The following NGFR variants were observed in gnomAD, a reference collection of about 807,000 sequenced individuals.
The protein encoded by NGFR is tumor necrosis factor receptor superfamily member 16.
NGFR carries 30 observed loss-of-function variants against 43.2 expected under a neutral mutation model. That is an observed-to-expected ratio of 0.69 (90% CI 0.52 to 0.94). The LOEUF (loss-of-function observed/expected upper bound fraction) is 0.94. NGFR is among the 40% of genes least tolerant of loss of function. The probability of loss-of-function intolerance (pLI) is 0.00; values close to 1 mark genes in which losing one functional copy is unlikely to be tolerated. For missense variants in NGFR, 529 were observed against 602.5 expected, an observed-to-expected ratio of 0.88 and a Z score of 1.28; for synonymous variants, 246 against 259.6, an observed-to-expected ratio of 0.95 and a Z score of 0.50.
chr17:49,509,954 C>A (rs1389410354), intron 3 of NGFR, among the ~76,000 whole-genome samples: 1 of 152,122 alleles, frequency 6.6e-6, no homozygotes, highest in Admixed American at 6.5e-5. Flanking sequence ...CAAGGACAAG[C>A]TGGGGCCAGA....
Position 49,512,076 on chromosome 17 carries a change from CT to C in NGFR, c.982+25del. On this transcript the variant is annotated intron_variant, in intron 5 of 5. Transcript: ENST00000172229. The surrounding 1 kb of genome is among the most constrained non-coding windows in gnomAD (Gnocchi z 5.2). Reference sequence around the variant, plus strand: ...GGGTGAGCAGCGGCCCGCTGGGGAGCTGAGGCGGAGCTGAGGCTGAGGAAAC... The same window carrying C: ...GGGTGAGCAGCGGCCCGCTGGGGAGCGAGGCGGAGCTGAGGCTGAGGAAAC... 1.2e-6 allele frequency: 2 copies of C among 1,607,424 alleles called. No individual in the cohort carries two copies. Among genetic ancestry groups the C allele is most frequent in the Non-Finnish European group, 1.7e-6 (2 of 1,176,684 alleles).
In NGFR at chr17:49,506,493, G is replaced by T. The variant is rs950720929; in HGVS notation, c.403G>T (p.Val135Leu). The part of the protein sequence containing the change: ...CRVCEAGSGL[V>L]FSCQDKQNTV... ...CGTGTGCGAGGCGGGCTCGGGCCTC[G>T]TGTTCTCCTGCCAGGACAAGCAGAA... The change falls in exon 3 of 6, where the codon GTG becomes TTG. Residue 135 changes from valine (V) to leucine (L), a missense_variant. Transcript: ENST00000172229. The T allele has an allele frequency of 1.2e-6, 2 of 1,610,828 alleles. No individual in the cohort carries two copies. Among genetic ancestry groups the T allele is most frequent in the East Asian group, 4.5e-5 (2 of 44,844 alleles).
In NGFR at chr17:49,512,814, G is replaced by A. The variant is rs201266194; in HGVS notation, c.1089G>A (p.Ala363=). 88 of 1,613,424 alleles carry A rather than the reference G, an allele frequency of 5.5e-5. No homozygotes were observed. In the Admixed American group the frequency reaches 7.0e-4, roughly 13 times the overall value. Residue 363 remains alanine (A), a synonymous_variant, in exon 6 of 6, where the codon GCG becomes GCA. Transcript: ENST00000172229. This position sits in a 1 kb window ranked among gnomAD's most constrained non-coding sequence, Gnocchi z 5.2. ...GSAGDTWRHL[A]GELGYQPEHI... ...CGGGGGACACCTGGCGGCACCTGGC[G>A]GGCGAGCTGGGCTACCAGCCCGAGC...
intron 1 of NGFR, chr17:49,496,795 A>G (rs1242727539): frequency 6.6e-6 from 1 of 152,108 alleles, no homozygotes; most frequent in African/African-American, 2.4e-5. Flanking sequence ...GACGCCTCGG[A>G]TTCTGTAGCG....
Position 49,511,924 on chromosome 17 carries a change from C to T in NGFR, c.854C>T (p.Ala285Val). ...WNSCKQNKQGANSRPVNQTPP... is the reference protein window; with the variant it reads ...WNSCKQNKQGVNSRPVNQTPP... ...AGCTGCAAGCAGAACAAGCAAGGAGCCAACAGCCGGCCAGTGAACCAGACG... is the reference window on the plus strand; with the variant it reads ...AGCTGCAAGCAGAACAAGCAAGGAGTCAACAGCCGGCCAGTGAACCAGACG... Residue 285 changes from alanine (A) to valine (V), a missense_variant, in exon 5 of 6, where the codon GCC becomes GTC. Transcript: ENST00000172229. The T allele has an allele frequency of 6.2e-7, 1 of 1,611,810 alleles. No individual in the cohort carries two copies. Among genetic ancestry groups the T allele is most frequent in the Non-Finnish European group, 8.5e-7 (1 of 1,179,034 alleles).
chr17:49,508,530 C>T (rs1437853269), intron 3 of NGFR, among the ~76,000 whole-genome samples: 1 of 152,210 alleles, frequency 6.6e-6, no homozygotes, highest in Non-Finnish European at 1.5e-5. Flanking sequence ...GCCCCCTCCC[C>T]TCCAGCGTAC....
chr17:49,499,583 T>TTATG (rs2071156133), intron 1 of NGFR, among the ~76,000 whole-genome samples: 1 of 151,568 alleles, frequency 6.6e-6, no homozygotes, highest in African/African-American at 2.4e-5. Context: ...TATTTTTATT[T>TTATG]TATTTATTTA....
rs776360652 is a variant in NGFR, at chr17:49,511,921, G to C, written c.851G>C (p.Gly284Ala). Residue 284 changes from glycine to alanine, a missense_variant, in exon 5 of 6, where the codon GGA becomes GCA. Physicochemically the swap from Gly to Ala is moderately conservative, Grantham distance 60 (BLOSUM62 0). Coordinates refer to ENST00000172229, the MANE Select transcript of NGFR (RefSeq NM_002507.4). Reference protein sequence around the residue: ...RWNSCKQNKQGANSRPVNQTP... With the variant: ...RWNSCKQNKQAANSRPVNQTP... Reference sequence around the variant, plus strand: ...AACAGCTGCAAGCAGAACAAGCAAGGAGCCAACAGCCGGCCAGTGAACCAG... The same window carrying C: ...AACAGCTGCAAGCAGAACAAGCAAGCAGCCAACAGCCGGCCAGTGAACCAG... 4 of 1,611,828 alleles carry C rather than the reference G, an allele frequency of 2.5e-6. No individual in the cohort carries two copies. Among genetic ancestry groups the C allele is most frequent in the Middle Eastern group, 1.7e-4 (1 of 6,056 alleles).
At chr17:49,497,177 T>C (rs4239164) in intron 1 of NGFR, 40,655 of 151,198 alleles carry the variant, frequency 0.27, 5,597 homozygotes, top group Middle Eastern at 0.32. Context: ...GCGGGGGGGG[T>C]TGACACTGTC....
Position 49,506,457 on chromosome 17 carries a change from G to T in NGFR, c.367G>T (p.Glu123Ter). The change falls in exon 3 of 6, where the codon GAG (glutamate) becomes TAG (stop). Residue 123 changes from glutamate (E) to a stop codon, truncating the protein, a stop_gained. Coordinates refer to ENST00000172229, the MANE Select transcript of NGFR (RefSeq NM_002507.4). LOFTEE classifies it high-confidence loss of function. ...YYQDETTGRC[E>*]ACRVCEAGSG... The stretch of plus-strand genomic sequence containing the variant: ...CCAGGATGAGACGACTGGGCGCTGC[G>T]AGGCGTGCCGCGTGTGCGAGGCGGG... The T allele has an allele frequency of 6.2e-7, 1 of 1,608,972 alleles. No individual in the cohort carries two copies.
In NGFR at chr17:49,512,632, G is replaced by A. The variant is rs1290371779; in HGVS notation, c.983-76G>A. 4.0e-6 allele frequency: 6 copies of A among 1,490,254 alleles called. No individual in the cohort carries two copies. The highest frequency in any genetic ancestry group is 5.4e-6 in the Non-Finnish European group (6 of 1,110,826). The allele number at this position is 1,490,254 out of a possible 1,614,324, so 92.3% of individuals were successfully genotyped here. On this transcript the variant is annotated intron_variant, in intron 5 of 5. Coordinates refer to ENST00000172229, the MANE Select transcript of NGFR (RefSeq NM_002507.4). The surrounding 1 kb of genome is among the most constrained non-coding windows in gnomAD (Gnocchi z 5.2). ...GAGGAGCACTGCCTCGGCCCTTCTTGGGTCTCACCCCAGTGCCCACTGTTG... is the reference window on the plus strand; with the variant it reads ...GAGGAGCACTGCCTCGGCCCTTCTTAGGTCTCACCCCAGTGCCCACTGTTG...
intron 3 of NGFR, 71 bp from the exon 4 acceptor site, chr17:49,510,341 C>CGGCAG (rs1375423433): frequency 8.9e-6 from 14 of 1,581,470 alleles, no homozygotes; most frequent in Non-Finnish European, 1.0e-5. Flanking sequence ...AGGAAGAACA[C>CGGCAG]GGCAGTGGGT....
Position 49,513,176 on chromosome 17 carries a change from G to A in NGFR, c.*167G>A. On this transcript the variant is annotated 3_prime_UTR_variant, in exon 6 of 6. Transcript: ENST00000172229. Reference sequence around the variant, plus strand: ...GCCCCAAAACCACAGCCCTGTCAGTGCAGCCCGTGTGGCCCCTTCACTTCT... The same window carrying A: ...GCCCCAAAACCACAGCCCTGTCAGTACAGCCCGTGTGGCCCCTTCACTTCT... 1.4e-6 allele frequency: 1 copy of A among 695,406 alleles called. No homozygotes were observed. The highest frequency in any genetic ancestry group is 2.3e-6 in the Non-Finnish European group (1 of 431,946). 43.1% of individuals were successfully genotyped at this position (695,406 alleles called of 1,614,324 possible).
In NGFR at chr17:49,502,193, C is replaced by T. The variant is rs1168746522; in HGVS notation, c.197C>T (p.Pro66Leu). The T allele has an allele frequency of 3.1e-6, 5 of 1,602,106 alleles. No individual in the cohort carries two copies. Among genetic ancestry groups the T allele is most frequent in the Non-Finnish European group, 4.3e-6 (5 of 1,172,506 alleles). The change falls in exon 2 of 6, where the codon CCC becomes CTC. Residue 66 changes from proline (P) to leucine (L), a missense_variant. Coordinates refer to ENST00000172229, the MANE Select transcript of NGFR (RefSeq NM_002507.4). ...PCGANQTVCE[P>L]CLDSVTFSDV... The stretch of plus-strand genomic sequence containing the variant: ...GGAGCCAACCAGACCGTGTGTGAGC[C>T]CTGCCTGGACAGTGAGTAGAGGGTG...
At position 49,513,200 on chromosome 17, in the gene NGFR, C is replaced by G; in HGVS notation, c.*191C>G. On this transcript the variant is annotated 3_prime_UTR_variant, in exon 6 of 6. Transcript: ENST00000172229. ...TGCAGCCCGTGTGGCCCCTTCACTT[C>G]TGACCACACTTCCTGTCCAGAGAGA... 1.7e-6 allele frequency: 1 copy of G among 598,546 alleles called. No individual in the cohort carries two copies. The highest frequency in any genetic ancestry group is 1.9e-5 in the African/African-American group (1 of 53,686). 37.1% of individuals were successfully genotyped at this position (598,546 alleles called of 1,614,324 possible).
At chr17:49,496,216 G>A (rs1481674213) in intron 1 of NGFR, 1 of 152,344 alleles carries the variant, frequency 6.6e-6, no homozygotes, top group Non-Finnish European at 1.5e-5. Context: ...TGCCCGCTGA[G>A]GGACAGTGAG....
chr17:49,510,265 A>G (rs2071222568), intron 3 of NGFR, 147 bp from the exon 4 acceptor site: 6 of 1,197,244 alleles, frequency 5.0e-6, no homozygotes, highest in Middle Eastern at 5.4e-4. Flanking sequence ...TCATGACATC[A>G]TGCACGCAAT....
rs1014505786 is a variant in NGFR at position 49,513,265 on chromosome 17, G to C, written c.*256G>C. 1 of 490,952 alleles carries C rather than the reference G, an allele frequency of 2.0e-6. No homozygotes were observed. Among genetic ancestry groups the C allele is most frequent in the Admixed American group, 3.8e-5 (1 of 26,384 alleles). The allele number at this position is 490,952 out of a possible 1,614,324, so 30.4% of individuals were successfully genotyped here. ...GCCTCCCCAACCCTGCCCCTGCCCCGTCACCATCTCAGGCCACCTGCCCCC... is the reference window on the plus strand; with the variant it reads ...GCCTCCCCAACCCTGCCCCTGCCCCCTCACCATCTCAGGCCACCTGCCCCC... On this transcript the variant is annotated 3_prime_UTR_variant, in exon 6 of 6. Coordinates refer to ENST00000172229, the MANE Select transcript of NGFR (RefSeq NM_002507.4).
intron 1 of NGFR, 63 bp from the exon 2 acceptor site, chr17:49,502,000 A>ACCCCCCCCCCC (rs11466133): frequency 3.0e-5 from 8 of 268,392 alleles, no homozygotes; most frequent in South Asian, 9.1e-5. Flanking sequence ...CCCCGGAAGA[A>ACCCCCCCCCCC]CCCCCCCCAA....
Sources: allele counts gnomAD v4.1 joint callset (sites outside exome capture counted in the v4.1 genomes callset), GRCh38; gene constraint gnomAD v4.1.1; non-coding constraint Gnocchi (gnomAD v3.1); transcripts MANE v1.5; gene names NCBI Gene and HGNC (gene_info 2026-07-23, HGNC 2026-07-21).